SLC12A2: variants seen among roughly 807,000 people sequenced by gnomAD.
The protein encoded by SLC12A2 is solute carrier family 12 member 2.
SLC12A2 carries 67 observed loss-of-function variants against 136.3 expected under a neutral mutation model. That is an observed-to-expected ratio of 0.49 (90% CI 0.40 to 0.60). The LOEUF (loss-of-function observed/expected upper bound fraction) is 0.60. SLC12A2 is among the 20% of genes least tolerant of loss of function. The pLI is 0.00. For missense variants in SLC12A2, 1,322 were observed against 1,534.7 expected, an observed-to-expected ratio of 0.86 and a Z score of 2.32; for synonymous variants, 619 against 562.9, an observed-to-expected ratio of 1.10 and a Z score of -1.41.
At chr5:128,086,698 T>G (rs777526511) in intron 1 of SLC12A2, among the ~76,000 whole-genome samples, 1 of 152,206 alleles carries the variant, frequency 6.6e-6, no homozygotes, top group South Asian at 2.1e-4. Context: ...AATAACTACA[T>G]GTTGAAGATA....
chr5:128,175,812 T>C (rs1763523295), intron 20 of SLC12A2, among the ~76,000 whole-genome samples: 1 of 152,014 alleles, frequency 6.6e-6, no homozygotes, highest in African/African-American at 2.4e-5. Context: ...CCTTGACATT[T>C]CTGAGATCTT....
intron 18 of SLC12A2, chr5:128,168,703 C>T (rs1763279401): frequency 6.6e-6 from 1 of 152,172 alleles, no homozygotes; most frequent in South Asian, 2.1e-4. Context: ...ATAAGGAGCG[C>T]ACAACCTAGA....
intron 22 of SLC12A2, 55 bp downstream of exon 22, chr5:128,178,744 A>G (rs17764954): frequency 7.3e-7 from 1 of 1,377,072 alleles, no homozygotes; most frequent in Non-Finnish European, 9.7e-7. Flanking sequence ...TTGTGAGAAT[A>G]GTAAGAAATG....
intron 24 of SLC12A2, among the ~76,000 whole-genome samples, chr5:128,184,048 A>C (rs1208188851): frequency 3.9e-5 from 6 of 152,088 alleles, no homozygotes; most frequent in African/African-American, 1.4e-4. Context: ...TCAGAAATTT[A>C]AAATGTTCCA....
chr5:128,084,274 C>T lies in SLC12A2; in HGVS notation c.320C>T (p.Ala107Val). Residue 107 changes from alanine to valine, a missense_variant, in exon 1 of 27, where the codon GCT (alanine) becomes GTT (valine). Around this residue, in one of 8 missense-constraint regions of SLC12A2, gnomAD observed 358 missense variants for 299.7 expected, o/e 1.19. Coordinates refer to ENST00000262461, the MANE Select transcript of SLC12A2 (RefSeq NM_001046.3). The surrounding 1 kb of genome is among the most constrained non-coding windows in gnomAD (Gnocchi z 5.6). ...GCGGCGGCGGCGGCAGCGGCGGCGG[C>T]TGGTGCTGGGGCGGGGGCCAAGCAG... The part of the protein sequence containing the change: ...AAAAAAAAAA[A>V]GAGAGAKQTP... The T allele has an allele frequency of 7.7e-7, 1 of 1,301,620 alleles. No individual in the cohort carries two copies. The highest frequency in any genetic ancestry group is 9.6e-7 in the Non-Finnish European group (1 of 1,036,870). 80.6% of individuals were successfully genotyped at this position (1,301,620 alleles called of 1,614,324 possible).
intron 12 of SLC12A2, among the ~76,000 whole-genome samples, chr5:128,149,529 C>T (rs113509056): frequency 6.8e-4 from 102 of 151,022 alleles, no homozygotes; most frequent in African/African-American, 2.3e-3. Context: ...TAGTGAAAAA[C>T]GAAAGCCACC....
chr5:128,089,392 C>T (rs1317833477), intron 1 of SLC12A2, among the ~76,000 whole-genome samples: 1 of 152,000 alleles, frequency 6.6e-6, no homozygotes, highest in Non-Finnish European at 1.5e-5. Context: ...CAGCAAGACC[C>T]TGTCTAAAAA....
chr5:128,133,927 A>G (rs1193370637), intron 5 of SLC12A2, among the ~76,000 whole-genome samples: 3 of 152,072 alleles, frequency 2.0e-5, no homozygotes, highest in Non-Finnish European at 2.9e-5. Context: ...TATTGAGTCT[A>G]TATTAAATAT....
intron 16 of SLC12A2, 111 bp downstream of exon 16, chr5:128,158,275 T>G: frequency 1.3e-6 from 1 of 764,272 alleles, no homozygotes; most frequent in Non-Finnish European, 2.1e-6. Context: ...CACAGGGGTT[T>G]GGTGTACAGA....
chr5:128,090,557 A>T (rs1281097753), intron 1 of SLC12A2, among the ~76,000 whole-genome samples: 1 of 152,354 alleles, frequency 6.6e-6, no homozygotes, highest in East Asian at 1.9e-4. Flanking sequence ...AGCAGTAAAC[A>T]AAACAAAGTC....
chr5:128,112,955 T>C, intron 2 of SLC12A2, 22 bp downstream of exon 2: 1 of 1,555,356 alleles, frequency 6.4e-7, no homozygotes, highest in South Asian at 1.2e-5. Context: ...TAGACTTAAT[T>C]TTATAGTTAC....
chr5:128,123,866 G>T (rs1197900765), intron 4 of SLC12A2, among the ~76,000 whole-genome samples: 1 of 152,076 alleles, frequency 6.6e-6, no homozygotes, highest in African/African-American at 2.4e-5. Flanking sequence ...TCCCTAGCCT[G>T]GGGTCTCAAA....
chr5:128,111,274 CAT>C (rs34541362), intron 1 of SLC12A2, among the ~76,000 whole-genome samples: 2,182 of 152,136 alleles, frequency 0.014, 33 homozygotes, highest in Non-Finnish European at 0.016. Context: ...CAGTAATTAA[CAT>C]ATGTAAATAT....
intron 1 of SLC12A2, among the ~76,000 whole-genome samples, chr5:128,097,623 T>C (rs1208732999): frequency 6.6e-6 from 1 of 152,122 alleles, no homozygotes; most frequent in Non-Finnish European, 1.5e-5. Context: ...TATTTTTTAG[T>C]GGTTACTTTG....
intron 15 of SLC12A2, among the ~76,000 whole-genome samples, chr5:128,156,061 G>C (rs573859165): frequency 6.6e-6 from 1 of 152,218 alleles, no homozygotes; most frequent in African/African-American, 2.4e-5. Flanking sequence ...GGGAGGTTCA[G>C]GGACAGTGGC....
intron 9 of SLC12A2, 76 bp from the exon 10 acceptor site, chr5:128,141,748 TTATAAA>T (rs1176075552): frequency 9.2e-6 from 11 of 1,195,654 alleles, no homozygotes; most frequent in East Asian, 8.0e-5. Context: ...TTTGGTTTCT[TTATAAA>T]TATATATATG....
At chr5:128,090,884 G>A (rs1760288281) in intron 1 of SLC12A2, among the ~76,000 whole-genome samples, 1 of 152,210 alleles carries the variant, frequency 6.6e-6, no homozygotes, top group South Asian at 2.1e-4. Flanking sequence ...GGACCAAATA[G>A]CGCAGAACCT....
Position 128,131,037 on chromosome 5 carries a change from TG to T in SLC12A2, c.1049-29del, listed in dbSNP as rs1762001619. The T allele has an allele frequency of 1.9e-6, 3 of 1,605,064 alleles. No individual in the cohort carries two copies. The African/African-American group carries it at 4.0e-5, about 22-fold the overall frequency. On this transcript the variant is annotated intron_variant, in intron 4 of 26. Transcript: ENST00000262461. ...CATTTTAAATCCTAACTTTAGTACC[TG>T]TTTTTTTTGTTTGTTTGTTTGTTTT... is the stretch of plus-strand genomic sequence containing the variant.
chr5:128,127,952 T>C (rs906424955), intron 4 of SLC12A2, among the ~76,000 whole-genome samples: 1 of 152,148 alleles, frequency 6.6e-6, no homozygotes, highest in Non-Finnish European at 1.5e-5. Flanking sequence ...ATTATTGATA[T>C]ATCCTCATTT....
Sources: allele counts gnomAD v4.1 joint callset (sites outside exome capture counted in the v4.1 genomes callset), GRCh38; gene constraint gnomAD v4.1.1; regional missense constraint gnomAD v4.1.1; non-coding constraint Gnocchi (gnomAD v3.1); transcripts MANE v1.5; gene names NCBI Gene and HGNC (gene_info 2026-07-23, HGNC 2026-07-21).